DOCK10: variants seen among roughly 807,000 people sequenced by gnomAD.
DOCK10 encodes dedicator of cytokinesis 10.
A neutral mutation model predicts 280.1 loss-of-function variants in DOCK10; 145 were observed. The ratio of observed to expected loss-of-function variants is 0.52; its 90% CI spans 0.45 to 0.59. DOCK10 has a LOEUF of 0.59. Among genes scored for constraint, DOCK10 ranks in the 20% least tolerant of loss-of-function variants. The pLI, the probability that DOCK10 is intolerant of heterozygous loss-of-function variation, is 0.00. For synonymous variants in DOCK10, 915 were observed against 942.2 expected, an observed-to-expected ratio of 0.97 and a Z score of 0.53; for missense variants, 2,368 against 2,651.7, an observed-to-expected ratio of 0.89 and a Z score of 2.35.
rs1705016350 is a variant in DOCK10, at chr2:224,970,416, C to T, written c.124-38748G>A. Among the ~76,000 whole-genome samples the T allele has an allele frequency of 2.0e-5, 3 of 152,182 alleles. No homozygotes were observed. Among genetic ancestry groups the T allele is most frequent in the Admixed American group, 2.0e-4 (3 of 15,276 alleles). ...ACTCAGGGAATTATCCGAAGTCCTA[C>T]AGTTCTCAAAAGGCACAACAAGCCT... is the stretch of plus-strand genomic sequence containing the variant. On this transcript the variant is annotated intron_variant, in intron 1 of 55. Coordinates refer to ENST00000258390, the MANE Select transcript of DOCK10 (RefSeq NM_014689.3). This position sits in a 1 kb window ranked among gnomAD's most constrained non-coding sequence, Gnocchi z 4.6.
intron 26 of DOCK10, 124 bp downstream of exon 26, chr2:224,834,026 G>T: frequency 1.6e-6 from 1 of 629,510 alleles, no homozygotes; most frequent in African/African-American, 1.8e-5. Flanking sequence ...GTTTCAATAT[G>T]AACCTTATGC....
intron 1 of DOCK10, among the ~76,000 whole-genome samples, chr2:224,942,946 A>C (rs1363282050): frequency 6.6e-6 from 1 of 152,210 alleles, no homozygotes; most frequent in Non-Finnish European, 1.5e-5. Context: ...TTGATATAGT[A>C]ATTCAACTTA....
At chr2:224,920,982 C>T (rs1371841554) in intron 2 of DOCK10, among the ~76,000 whole-genome samples, 3 of 148,360 alleles carry the variant, frequency 2.0e-5, no homozygotes, top group Non-Finnish European at 3.0e-5. Flanking sequence ...GGGCTGGGCA[C>T]GGTGGCTCAT....
At chr2:224,856,066 TAGG>T (rs1169744820) in intron 15 of DOCK10, among the ~76,000 whole-genome samples, 27 of 152,188 alleles carry the variant, frequency 1.8e-4, no homozygotes, top group African/African-American at 6.5e-4. Flanking sequence ...TCAGCAATGG[TAGG>T]AGAGTTTACA....
In DOCK10 at chr2:224,787,286, G is replaced by C. The variant is rs747714016; in HGVS notation, c.5530C>G (p.Arg1844Gly). ...GTTGGAATACATACTTTGAAGTCTC[G>C]TTGTTTCTCAAAGACAGCAATGATG... Reference protein sequence around the residue: ...KPIIAVFEKQRDFKKLSDLYY... With the variant: ...KPIIAVFEKQGDFKKLSDLYY... The change falls in exon 49 of 56, where the codon CGA becomes GGA. Residue 1844 changes from arginine (R) to glycine (G), a missense_variant. By Grantham distance (125) the Arg-to-Gly change is moderately radical (BLOSUM62 -2). Around this residue, in one of 2 missense-constraint regions of DOCK10, gnomAD observed 1,159 missense variants for 1,400.8 expected, o/e 0.83. Coordinates refer to ENST00000258390, the MANE Select transcript of DOCK10 (RefSeq NM_014689.3). The C allele has an allele frequency of 1.2e-6, 2 of 1,613,774 alleles. No individual in the cohort carries two copies.
At chr2:224,816,582 G>T in intron 30 of DOCK10, 35 bp downstream of exon 30, 1 of 1,185,824 alleles carries the variant, frequency 8.4e-7, no homozygotes, top group Non-Finnish European at 1.2e-6. Context: ...CATTCACTTT[G>T]CAGGAACTGA....
chr2:224,846,500 C>CTTT (rs796471168), intron 19 of DOCK10, among the ~76,000 whole-genome samples: 2 of 129,054 alleles, frequency 1.5e-5, no homozygotes, highest in Admixed American at 7.7e-5. Context: ...TGACCTCTGG[C>CTTT]TTTTTTTTTT....
intron 50 of DOCK10, among the ~76,000 whole-genome samples, chr2:224,778,588 G>A (rs533031267): frequency 4.3e-4 from 66 of 152,058 alleles, no homozygotes; most frequent in Non-Finnish European, 7.8e-4. Context: ...ATATATTTTG[G>A]GGGAAGAATG....
chr2:224,890,722 A>T (rs1699607342), intron 4 of DOCK10, among the ~76,000 whole-genome samples: 1 of 152,206 alleles, frequency 6.6e-6, no homozygotes, highest in Non-Finnish European at 1.5e-5. Context: ...GGTTATGAAA[A>T]TCAGAGCACT....
At chr2:224,920,947 G>C (rs1463904590) in intron 2 of DOCK10, among the ~76,000 whole-genome samples, 2 of 150,524 alleles carry the variant, frequency 1.3e-5, no homozygotes, top group Non-Finnish European at 3.0e-5. Flanking sequence ...TACGATCACT[G>C]CTCTGTGACA....
Position 224,837,704 on chromosome 2 carries a change from A to G in DOCK10, c.2850+58T>C, listed in dbSNP as rs997266829. 2.2e-5 allele frequency: 32 copies of G among 1,446,208 alleles called. No homozygotes were observed. The Admixed American group carries it at 5.0e-4, about 23-fold the overall frequency. 89.6% of individuals were successfully genotyped at this position (1,446,208 alleles called of 1,614,324 possible). A position where few individuals can be genotyped will look rare whatever the true frequency, so the allele number is the denominator to read the frequency against. ...ACTTCCCACTTACTGCAGACAGGAAATGAGACAAGTCACACAGCACAAGGG... is the reference window on the plus strand; with the variant it reads ...ACTTCCCACTTACTGCAGACAGGAAGTGAGACAAGTCACACAGCACAAGGG... On this transcript the variant is annotated intron_variant, in intron 25 of 55. Coordinates refer to ENST00000258390, the MANE Select transcript of DOCK10 (RefSeq NM_014689.3).
At chr2:225,028,630 G>A (rs574118018) in intron 1 of DOCK10, among the ~76,000 whole-genome samples, 18 of 152,188 alleles carry the variant, frequency 1.2e-4, no homozygotes, top group Non-Finnish European at 2.1e-4. Context: ...CAAAGTCACA[G>A]CAGCCCAGAC....
Position 224,807,204 on chromosome 2 carries a change from T to C in DOCK10, c.3702+464A>G, listed in dbSNP as rs74657930. The C allele has an allele frequency of 9.2e-3, 1,424 of 154,188 alleles. 15 individuals are homozygous for C. The highest frequency in any genetic ancestry group is 0.032 in the African/African-American group (1,343 of 41,566). The allele number at this position is 154,188 out of a possible 1,614,324, so 9.6% of individuals were successfully genotyped here. A position where few individuals can be genotyped will look rare whatever the true frequency, so the allele number is the denominator to read the frequency against. The stretch of plus-strand genomic sequence containing the variant: ...AGCAGTGGGTTATTTCATCTGAGAT[T>C]TGAACATAGGCAACGGATCTTTAAT... On this transcript the variant is annotated intron_variant, in intron 33 of 55. Transcript: ENST00000258390.
At chr2:224,898,396 A>C (rs1176293399) in intron 3 of DOCK10, among the ~76,000 whole-genome samples, 1 of 152,136 alleles carries the variant, frequency 6.6e-6, no homozygotes, top group African/African-American at 2.4e-5. Flanking sequence ...ACAAAAGGAG[A>C]ACTTAAAAAC....
chr2:224,991,935 G>A (rs1323174141), intron 1 of DOCK10, among the ~76,000 whole-genome samples: 1 of 152,228 alleles, frequency 6.6e-6, no homozygotes, highest in African/African-American at 2.4e-5. Context: ...ACTTTATGGT[G>A]GGGGTGAATA....
At chr2:225,038,263 T>A (rs1404978885) in intron 1 of DOCK10, among the ~76,000 whole-genome samples, 2 of 121,496 alleles carry the variant, frequency 1.6e-5, no homozygotes, top group African/African-American at 5.2e-5. Flanking sequence ...AATTCCAGTA[T>A]CCCCCACTCA....
intron 52 of DOCK10, among the ~76,000 whole-genome samples, chr2:224,774,282 G>A (rs967652096): frequency 3.3e-5 from 5 of 152,068 alleles, no homozygotes; most frequent in African/African-American, 7.2e-5. Flanking sequence ...CTCCTGCTCC[G>A]CTCATCTGAA....
rs372687349 is a variant in DOCK10 at position 224,931,569 on chromosome 2, A to G, written c.223T>C (p.Phe75Leu). ...CTTACTGAAAAGTCATCACTGGGGA[A>G]GAACAAGAGATCTTGAAGAGGATCA... is the stretch of plus-strand genomic sequence containing the variant. ...RNDPLQDLLFFPSDDFSAATV... is the reference protein window; with the variant it reads ...RNDPLQDLLFLPSDDFSAATV... The change falls in exon 2 of 56, where the codon TTC becomes CTC. Residue 75 changes from phenylalanine (F) to leucine (L), a missense_variant. By Grantham distance (22) the Phe-to-Leu change is conservative. This residue lies in a region of DOCK10 where 1,209 missense variants were observed against 1,250.9 expected (regional missense o/e 0.97). Coordinates refer to ENST00000258390, the MANE Select transcript of DOCK10 (RefSeq NM_014689.3). 4.3e-6 allele frequency: 7 copies of G among 1,610,420 alleles called. No homozygotes were observed. The African/African-American group carries it at 6.7e-5, about 15-fold the overall frequency.
intron 14 of DOCK10, among the ~76,000 whole-genome samples, chr2:224,859,907 C>A (rs1697387952): frequency 6.6e-6 from 1 of 152,208 alleles, no homozygotes; most frequent in Non-Finnish European, 1.5e-5. Context: ...AAATTAAAAT[C>A]TTTGGCTGGA....
Sources: gnomAD v4.1 joint callset for allele counts (sites outside exome capture counted in the v4.1 genomes callset) on GRCh38, gnomAD v4.1.1 for gene constraint, gnomAD v4.1.1 regional missense constraint, Gnocchi (gnomAD v3.1) non-coding constraint, MANE v1.5 for transcripts, NCBI Gene and HGNC (gene_info 2026-07-23, HGNC 2026-07-21) for gene names.